Variants in ODAD2 observed in about 807,000 individuals in gnomAD.
ODAD2 encodes the protein outer dynein arm docking complex subunit 2, also known as outer dynein arm-docking complex subunit 2.
Under a neutral mutation model 106.8 loss-of-function variants are expected in ODAD2, and 89 were observed. The observed-to-expected ratio is 0.83, with a 90% CI of 0.70 to 0.99. The LOEUF is 0.99. ODAD2 is among the 50% of genes least tolerant of loss of function. The pLI is 0.00. For missense variants in ODAD2, 1,168 were observed against 1,238.5 expected (o/e 0.94, Z 0.85); for synonymous variants, 404 against 436.2 (o/e 0.93, Z 0.92).
intron 19 of ODAD2, among the ~76,000 whole-genome samples, chr10:27,837,427 A>C (rs1171873159): frequency 6.6e-6 from 1 of 152,242 alleles, no homozygotes; most frequent in Non-Finnish European, 1.5e-5. Flanking sequence ...TCTAAGAAAA[A>C]ATACCTTAGA....
At chr10:27,953,366 C>T (rs1257229783) in intron 10 of ODAD2, among the ~76,000 whole-genome samples, 1 of 152,116 alleles carries the variant, frequency 6.6e-6, no homozygotes, top group Admixed American at 6.6e-5. Context: ...TATCTTGGCA[C>T]TTGTATAGAA....
chr10:27,922,149 G>A (rs1407755183), intron 16 of ODAD2, among the ~76,000 whole-genome samples: 5 of 98,524 alleles, frequency 5.1e-5, no homozygotes, highest in Admixed American at 1.3e-4. Context: ...GTGAAACTCT[G>A]CCTCAAAAAA....
chr10:27,990,882 G>A (rs1451796997), intron 2 of ODAD2, among the ~76,000 whole-genome samples: 2 of 152,046 alleles, frequency 1.3e-5, no homozygotes, highest in African/African-American at 2.4e-5. Context: ...GAGATGCAGT[G>A]GAGTGAGATT....
chr10:27,961,262 TG>T (rs1356183680), intron 10 of ODAD2, among the ~76,000 whole-genome samples: 1 of 152,188 alleles, frequency 6.6e-6, no homozygotes, highest in East Asian at 1.9e-4. Flanking sequence ...TAAAAATCCA[TG>T]TTATTTCTTC....
At chr10:27,961,327 C>T (rs1848123680) in intron 10 of ODAD2, among the ~76,000 whole-genome samples, 1 of 152,156 alleles carries the variant, frequency 6.6e-6, no homozygotes, top group South Asian at 2.1e-4. Context: ...CAGCTGTTTA[C>T]CATGCCCACT....
At position 27,904,158 on chromosome 10, in the gene ODAD2, A is replaced by G. The variant is rs192966269; in HGVS notation, c.2610+3505T>C. Reference sequence around the variant, plus strand: ...TAGCTCCTATCAGCTCTGTAAGCATAAATGACTTAGAAATTAACAATAGCT... The same window carrying G: ...TAGCTCCTATCAGCTCTGTAAGCATGAATGACTTAGAAATTAACAATAGCT... On this transcript the variant is annotated intron_variant, in intron 17 of 19. Transcript: ENST00000305242. 2.8e-3 allele frequency: 647 copies of G among 227,054 alleles called. 5 individuals are homozygous for G. The highest frequency in any genetic ancestry group is 0.012 in the Middle Eastern group (6 of 506). 14.1% of individuals were successfully genotyped at this position (227,054 alleles called of 1,614,324 possible).
At chr10:27,981,426 C>T in intron 7 of ODAD2, 40 bp downstream of exon 7, 1 of 1,441,142 alleles carries the variant, frequency 6.9e-7, no homozygotes, top group South Asian at 1.6e-5. Context: ...AGTTTAGTAA[C>T]ATAATGCTAT....
intron 19 of ODAD2, among the ~76,000 whole-genome samples, chr10:27,848,932 G>T (rs1273817848): frequency 6.6e-6 from 1 of 152,186 alleles, no homozygotes; most frequent in Non-Finnish European, 1.5e-5. Context: ...GGAGAAATAG[G>T]AACACTTTTA....
At chr10:27,956,754 A>G (rs528100326) in intron 10 of ODAD2, among the ~76,000 whole-genome samples, 17 of 152,164 alleles carry the variant, frequency 1.1e-4, no homozygotes, top group Admixed American at 2.0e-4. Flanking sequence ...ATGGATTTCA[A>G]CGTGTTTTTG....
At chr10:27,881,783 T>C (rs1192110738) in intron 17 of ODAD2, among the ~76,000 whole-genome samples, 1 of 152,230 alleles carries the variant, frequency 6.6e-6, no homozygotes, top group Non-Finnish European at 1.5e-5. Flanking sequence ...TACTATGTGT[T>C]GTACATTGTG....
chr10:27,948,592 G>A (rs141309281), intron 10 of ODAD2, among the ~76,000 whole-genome samples: 226 of 151,986 alleles, frequency 1.5e-3, no homozygotes, highest in African/African-American at 4.9e-3. Flanking sequence ...ATTTTATCAC[G>A]CATTTGCATT....
chr10:27,816,409 C>T (rs1836139843), intron 19 of ODAD2, among the ~76,000 whole-genome samples: 1 of 152,080 alleles, frequency 6.6e-6, no homozygotes, highest in South Asian at 2.1e-4. Flanking sequence ...TTGTATCATT[C>T]CTTTTCTCCA....
At chr10:27,875,424 A>C (rs952640241) in intron 17 of ODAD2, among the ~76,000 whole-genome samples, 2 of 152,000 alleles carry the variant, frequency 1.3e-5, no homozygotes, top group Non-Finnish European at 2.9e-5. Flanking sequence ...GGAGGGGGAG[A>C]GGCACTCTGA....
intron 15 of ODAD2, 108 bp downstream of exon 15, chr10:27,936,618 A>T: frequency 8.1e-7 from 1 of 1,232,806 alleles, no homozygotes; most frequent in South Asian, 1.3e-5. Context: ...CAGAATGTAC[A>T]TCTACAACTA....
intron 19 of ODAD2, among the ~76,000 whole-genome samples, chr10:27,834,409 C>T (rs1439991912): frequency 6.6e-6 from 1 of 152,142 alleles, no homozygotes; most frequent in East Asian, 1.9e-4. Context: ...GCAAGAAACA[C>T]AAACAGCATG....
intron 19 of ODAD2, among the ~76,000 whole-genome samples, chr10:27,828,668 A>G (rs1837249960): frequency 6.6e-6 from 1 of 152,232 alleles, no homozygotes; most frequent in Non-Finnish European, 1.5e-5. Context: ...GATATGCACC[A>G]TTTATTAGAA....
chr10:27,959,061 G>A, intron 10 of ODAD2: 2 of 1,253,462 alleles, frequency 1.6e-6, no homozygotes, highest in Non-Finnish European at 2.1e-6. Context: ...TCTTGGACGG[G>A]CTTAGAGGCT....
chr10:27,966,581 TA>T (rs1297174538), intron 9 of ODAD2, among the ~76,000 whole-genome samples: 1 of 152,004 alleles, frequency 6.6e-6, no homozygotes, highest in Non-Finnish European at 1.5e-5. Context: ...ATTCAGGAGG[TA>T]AAAAGAAGCA....
chr10:27,902,473 C>G (rs1184220667), intron 17 of ODAD2, among the ~76,000 whole-genome samples: 1 of 151,912 alleles, frequency 6.6e-6, no homozygotes, highest in Non-Finnish European at 1.5e-5. Flanking sequence ...GTGATAGAGA[C>G]AGGAAAAACT....
Sources: gnomAD v4.1 joint callset for allele counts (sites outside exome capture counted in the v4.1 genomes callset) on GRCh38, gnomAD v4.1.1 for gene constraint, MANE v1.5 for transcripts, NCBI Gene and HGNC (gene_info 2026-07-23, HGNC 2026-07-21) for gene names.